Variants in GPHN observed in about 807,000 individuals in gnomAD.
The protein encoded by GPHN is gephyrin.
In GPHN, 17 loss-of-function variants were observed where a neutral mutation model predicts 95.5. The ratio of observed to expected loss-of-function variants is 0.18; its 90% CI spans 0.12 to 0.27. The LOEUF (loss-of-function observed/expected upper bound fraction) is 0.27. Ranked by LOEUF, GPHN falls within the 10% of genes least tolerant of loss-of-function variation. The pLI is 1.00. For missense variants in GPHN, 660 were observed against 978.1 expected (o/e 0.67, Z 4.34); for synonymous variants, 320 against 322.5 (o/e 0.99, Z 0.08).
chr14:67,141,905 C>T (rs1289396382), intron 17 of GPHN, among the ~76,000 whole-genome samples: 1 of 152,246 alleles, frequency 6.6e-6, no homozygotes, highest in Admixed American at 6.5e-5. Flanking sequence ...CATGAATAAA[C>T]TTCACTGCCA....
chr14:66,610,841 G>A (rs1280805111), intron 1 of GPHN, among the ~76,000 whole-genome samples: 6 of 152,044 alleles, frequency 3.9e-5, no homozygotes, highest in Non-Finnish European at 8.8e-5. Flanking sequence ...AGACTTAAAA[G>A]GTGATTCTGG....
chr14:67,342,165 C>T, the GPHN span, among the ~76,000 whole-genome samples: 5 of 144,690 alleles, frequency 3.5e-5, no homozygotes, highest in Admixed American at 3.5e-4. Context: ...GTGAGAAACA[C>T]CCAAGAATGA....
At chr14:66,601,176 A>G (rs1244603259) in intron 1 of GPHN, among the ~76,000 whole-genome samples, 1 of 152,072 alleles carries the variant, frequency 6.6e-6, no homozygotes, top group Non-Finnish European at 1.5e-5. Flanking sequence ...GTTTACCCTT[A>G]GGAGCTATTT....
At chr14:67,724,445 G>A in the GPHN span, 16 of 1,377,728 alleles carry the variant, frequency 1.2e-5, no homozygotes, top group African/African-American at 2.8e-5. Flanking sequence ...AGGATGGTAC[G>A]TGATGCTCTT....
the GPHN span, among the ~76,000 whole-genome samples, chr14:67,642,793 C>CTTTTTTTTTTTTTTTTTTTTTT: frequency 2.2e-4 from 17 of 75,556 alleles, 4 homozygotes; most frequent in African/African-American, 5.5e-4. Context: ...ACTACATTTT[C>CTTTTTTTTTTTTTTTTTTTTTT]TTTTTTTTTT....
chr14:67,218,162 A>T, the GPHN span, among the ~76,000 whole-genome samples: 1 of 152,152 alleles, frequency 6.6e-6, no homozygotes, highest in African/African-American at 2.4e-5. Flanking sequence ...ACATACACAC[A>T]GTGGGTTGGC....
At chr14:66,545,395 A>G (rs1299554576) in intron 1 of GPHN, among the ~76,000 whole-genome samples, 1 of 102,976 alleles carries the variant, frequency 9.7e-6, no homozygotes, top group Admixed American at 1.0e-4. Context: ...TGACCCCCCC[A>G]CCTCCCTCCC....
At chr14:66,779,536 C>T (rs535540973) in intron 3 of GPHN, among the ~76,000 whole-genome samples, 1 of 152,168 alleles carries the variant, frequency 6.6e-6, no homozygotes, top group South Asian at 2.1e-4. Context: ...GGCACCCTGT[C>T]TGATAATACA....
chr14:67,665,251 A>C, the GPHN span, among the ~76,000 whole-genome samples: 2 of 142,558 alleles, frequency 1.4e-5, no homozygotes, highest in African/African-American at 5.1e-5. Context: ...ATCTAATGTC[A>C]GTTATATCTT....
chr14:67,342,688 AAC>A, the GPHN span, among the ~76,000 whole-genome samples: 1 of 150,550 alleles, frequency 6.6e-6, no homozygotes, highest in African/African-American at 2.4e-5. Flanking sequence ...TAGTTAATAT[AAC>A]AGTTAATATA....
chr14:67,635,479 A>G, the GPHN span, among the ~76,000 whole-genome samples: 1 of 152,340 alleles, frequency 6.6e-6, no homozygotes, highest in South Asian at 2.1e-4. Flanking sequence ...GACTTCTAGT[A>G]ACATTGCAAC....
the GPHN span, chr14:67,383,535 A>C: frequency 1.3e-6 from 2 of 1,511,996 alleles, no homozygotes; most frequent in African/African-American, 2.8e-5. Flanking sequence ...TGAAAACTTC[A>C]AAGCTGAATA....
chr14:67,008,016 C>G (rs770550229), intron 9 of GPHN, among the ~76,000 whole-genome samples: 16 of 152,114 alleles, frequency 1.1e-4, no homozygotes, highest in Admixed American at 2.6e-4. Context: ...GTTTATAGAA[C>G]AAAGGTGAGG....
intron 1 of GPHN, among the ~76,000 whole-genome samples, chr14:66,669,773 C>T (rs905668230): frequency 7.2e-5 from 11 of 152,152 alleles, no homozygotes; most frequent in African/African-American, 2.6e-4. Context: ...TCTATTTGGT[C>T]TTCCTGTGTA....
At chr14:67,326,967 G>C in the GPHN span, among the ~76,000 whole-genome samples, 1 of 151,970 alleles carries the variant, frequency 6.6e-6, no homozygotes, top group Non-Finnish European at 1.5e-5. Flanking sequence ...TTGAGGTGAG[G>C]AGTTTGAGAC....
intron 1 of GPHN, among the ~76,000 whole-genome samples, chr14:66,571,015 T>G (rs1327574968): frequency 2.0e-5 from 3 of 152,176 alleles, no homozygotes; most frequent in Non-Finnish European, 4.4e-5. Flanking sequence ...GATATTAAGC[T>G]CATATCAAAC....
the GPHN span, chr14:67,579,795 G>T: frequency 3.4e-5 from 55 of 1,611,770 alleles, no homozygotes; most frequent in Admixed American, 6.0e-4. Flanking sequence ...GCATGAGAAA[G>T]CCATCCCACT....
At chr14:67,285,455 C>T in the GPHN span, among the ~76,000 whole-genome samples, 1 of 151,724 alleles carries the variant, frequency 6.6e-6, no homozygotes, top group Non-Finnish European at 1.5e-5. Context: ...CAAGCTCCAC[C>T]TCCCAGGTTC....
rs117089835 is a variant in GPHN at position 66,637,854 on chromosome 14, C to T, written c.65-43253C>T. On this transcript the variant is annotated intron_variant, in intron 1 of 22. Transcript: ENST00000478722. ...TAGAAAGTCAGTGGCCTTTAACCCTCAGTACAACACCAAGGTCCATTGGAT... is the reference window on the plus strand; with the variant it reads ...TAGAAAGTCAGTGGCCTTTAACCCTTAGTACAACACCAAGGTCCATTGGAT... Among the ~76,000 whole-genome samples the T allele has an allele frequency of 3.1e-3, 475 of 152,266 alleles. 1 individual carries two copies. Among genetic ancestry groups the T allele is most frequent in the Non-Finnish European group, 5.5e-3 (375 of 68,002 alleles).
Sources: gnomAD v4.1 joint callset for allele counts (sites outside exome capture counted in the v4.1 genomes callset) on GRCh38, gnomAD v4.1.1 for gene constraint, MANE v1.5 for transcripts, NCBI Gene and HGNC (gene_info 2026-07-23, HGNC 2026-07-21) for gene names.